The following BRINP3 variants were observed in gnomAD, a reference collection of about 807,000 sequenced individuals.
The protein encoded by BRINP3 is BMP/retinoic acid inducible neural specific 3, also known as BMP/retinoic acid-inducible neural-specific protein 3.
A neutral mutation model predicts 71.0 loss-of-function variants in BRINP3; 19 were observed. The ratio of observed to expected loss-of-function variants is 0.27; its 90% CI spans 0.19 to 0.39. The LOEUF (loss-of-function observed/expected upper bound fraction) is 0.39, where lower values mean the gene tolerates loss of function less well. Ranked by LOEUF, BRINP3 falls within the 10% of genes least tolerant of loss-of-function variation. The pLI, the probability that BRINP3 is intolerant of heterozygous loss-of-function variation, is 1.00. For synonymous variants in BRINP3, 380 were observed against 337.7 expected (o/e 1.13, Z -1.37); for missense variants, 959 against 940.8 (o/e 1.02, Z -0.25).
intron 2 of BRINP3, among the ~76,000 whole-genome samples, chr1:190,334,549 T>A (rs923645736): frequency 6.6e-6 from 1 of 151,736 alleles, no homozygotes; most frequent in Non-Finnish European, 1.5e-5. Flanking sequence ...TTGAATAAGG[T>A]GAGATTATAT....
chr1:190,104,445 TA>T (rs1181687967), intron 7 of BRINP3, among the ~76,000 whole-genome samples: 1 of 152,122 alleles, frequency 6.6e-6, no homozygotes, highest in Non-Finnish European at 1.5e-5. Flanking sequence ...TTATGAATGT[TA>T]TTCCTACTAT....
At chr1:190,285,619 T>C (rs1454349350) in intron 2 of BRINP3, among the ~76,000 whole-genome samples, 1 of 152,048 alleles carries the variant, frequency 6.6e-6, no homozygotes, top group Admixed American at 6.6e-5. Flanking sequence ...TAGTATAATC[T>C]AGTATATCAT....
At chr1:190,243,984 C>T (rs989508263) in intron 4 of BRINP3, among the ~76,000 whole-genome samples, 1 of 152,070 alleles carries the variant, frequency 6.6e-6, no homozygotes, top group African/African-American at 2.4e-5. Flanking sequence ...TCATCACCCC[C>T]AGATGGGACT....
At chr1:190,155,231 T>A (rs149656799) in intron 7 of BRINP3, among the ~76,000 whole-genome samples, 3 of 152,226 alleles carry the variant, frequency 2.0e-5, no homozygotes, top group Admixed American at 2.0e-4. Context: ...ATTAAAATAT[T>A]CCATTACATC....
chr1:190,455,705 G>A (rs1040250416), intron 1 of BRINP3, among the ~76,000 whole-genome samples: 6 of 151,934 alleles, frequency 3.9e-5, no homozygotes, highest in Non-Finnish European at 7.4e-5. Flanking sequence ...ATTTAAATGT[G>A]CATCTGTCTT....
At chr1:190,286,231 C>A (rs1257912623) in intron 2 of BRINP3, among the ~76,000 whole-genome samples, 2 of 152,092 alleles carry the variant, frequency 1.3e-5, no homozygotes, top group African/African-American at 4.8e-5. Flanking sequence ...TATGTCCATA[C>A]AACGTTAATT....
chr1:190,408,508 C>A (rs1363965812), intron 2 of BRINP3, among the ~76,000 whole-genome samples: 2 of 152,040 alleles, frequency 1.3e-5, no homozygotes, highest in African/African-American at 4.8e-5. Flanking sequence ...GAACTATACT[C>A]TTTGTAAGGT....
intron 6 of BRINP3, among the ~76,000 whole-genome samples, chr1:190,225,225 C>T (rs1657242674): frequency 6.6e-6 from 1 of 151,972 alleles, no homozygotes; most frequent in Admixed American, 6.6e-5. Flanking sequence ...TTCAATTTAA[C>T]TGCCCATCAG....
chr1:190,226,686 C>T (rs934652440), intron 5 of BRINP3, among the ~76,000 whole-genome samples: 1 of 151,862 alleles, frequency 6.6e-6, no homozygotes, highest in African/African-American at 2.4e-5. Context: ...CAGTTGATTT[C>T]AAATGGTTTT....
chr1:190,469,813 A>G (rs1012012829), intron 1 of BRINP3, among the ~76,000 whole-genome samples: 1 of 151,122 alleles, frequency 6.6e-6, no homozygotes, highest in Admixed American at 6.6e-5. Context: ...AAATATATGC[A>G]TAAGGTATTA....
In BRINP3 at chr1:190,097,723, T is replaced by A. The variant is rs1247847117; in HGVS notation, c.*295A>T. On this transcript the variant is annotated 3_prime_UTR_variant, in exon 8 of 8. Coordinates refer to ENST00000367462, the MANE Select transcript of BRINP3 (RefSeq NM_199051.3). Reference sequence around the variant, plus strand: ...ATCTTTTTATGTTCCCTCTAGAGGATGTAATGCACAAAAGCATTGCCACGG... The same window carrying A: ...ATCTTTTTATGTTCCCTCTAGAGGAAGTAATGCACAAAAGCATTGCCACGG... 1 of 270,670 alleles carries A rather than the reference T, an allele frequency of 3.7e-6. No individual in the cohort carries two copies. The highest frequency in any genetic ancestry group is 7.0e-6 in the Non-Finnish European group (1 of 142,752). The allele number at this position is 270,670 out of a possible 1,614,324, so 16.8% of individuals were successfully genotyped here.
At chr1:190,172,410 T>G (rs920297300) in intron 6 of BRINP3, among the ~76,000 whole-genome samples, 6 of 152,064 alleles carry the variant, frequency 3.9e-5, no homozygotes, top group African/African-American at 1.4e-4. Flanking sequence ...AAATGTGCTA[T>G]GTGTTATACT....
At chr1:190,231,132 A>T (rs1221609521) in intron 5 of BRINP3, among the ~76,000 whole-genome samples, 1 of 151,770 alleles carries the variant, frequency 6.6e-6, no homozygotes, top group Admixed American at 6.6e-5. Flanking sequence ...TTTAAAGCAA[A>T]TATAATCAGC....
At chr1:190,280,269 AG>A (rs1662935522) in intron 3 of BRINP3, among the ~76,000 whole-genome samples, 1 of 151,832 alleles carries the variant, frequency 6.6e-6, no homozygotes, top group Non-Finnish European at 1.5e-5. Flanking sequence ...ATAGAGCATG[AG>A]GAAGAAATGA....
intron 7 of BRINP3, among the ~76,000 whole-genome samples, chr1:190,159,513 A>G (rs1182019239): frequency 1.3e-5 from 2 of 152,108 alleles, no homozygotes; most frequent in African/African-American, 4.8e-5. Flanking sequence ...GTATACCCAT[A>G]CTACTGATGC....
At chr1:190,112,186 A>G (rs1652752772) in intron 7 of BRINP3, among the ~76,000 whole-genome samples, 1 of 152,192 alleles carries the variant, frequency 6.6e-6, no homozygotes, top group South Asian at 2.1e-4. Context: ...GGTTTGAAGC[A>G]TGACTGGTTA....
chr1:190,431,452 G>A (rs1674095132), intron 2 of BRINP3, among the ~76,000 whole-genome samples: 2 of 152,068 alleles, frequency 1.3e-5, no homozygotes, highest in African/African-American at 2.4e-5. Context: ...TTCATCCCTG[G>A]GTGAAGCTGT....
rs377459673 is a variant in BRINP3, at chr1:190,469,037, C to G, written c.-51+8411G>C. Among the ~76,000 whole-genome samples, 63 of 151,076 alleles carry G rather than the reference C, an allele frequency of 4.2e-4. 1 individual carries two copies. The highest frequency in any genetic ancestry group is 1.5e-3 in the African/African-American group (63 of 41,444). ...AAGTAGAAATGAGTATCTTATACAT[C>G]TGATAAGCACAGATTTCTTCATAAT... On this transcript the variant is annotated intron_variant, in intron 1 of 7. Coordinates refer to ENST00000367462, the MANE Select transcript of BRINP3 (RefSeq NM_199051.3).
intron 2 of BRINP3, among the ~76,000 whole-genome samples, chr1:190,395,660 T>C (rs2102328210): frequency 6.6e-6 from 1 of 151,894 alleles, no homozygotes; most frequent in South Asian, 2.1e-4. Context: ...TTGATAACTG[T>C]GTATTTGATT....
Sources: allele counts gnomAD v4.1 joint callset (sites outside exome capture counted in the v4.1 genomes callset), GRCh38; gene constraint gnomAD v4.1.1; transcripts MANE v1.5; gene names NCBI Gene and HGNC (gene_info 2026-07-23, HGNC 2026-07-21).